Variants in USP15 observed in about 807,000 individuals in gnomAD.
USP15 encodes the protein ubiquitin specific peptidase 15.
In USP15, 18 loss-of-function variants were observed where a neutral mutation model predicts 127.1. The observed-to-expected ratio is 0.14, with a 90% CI of 0.10 to 0.21. USP15 has a LOEUF of 0.21. USP15 is among the 10% of genes least tolerant of loss of function. The pLI, the probability that USP15 is intolerant of heterozygous loss-of-function variation, is 1.00. For synonymous variants in USP15, 364 were observed against 393.7 expected, an observed-to-expected ratio of 0.92 and a Z score of 0.89; for missense variants, 805 against 1,159.9, an observed-to-expected ratio of 0.69 and a Z score of 4.44.
intron 2 of USP15, among the ~76,000 whole-genome samples, chr12:62,300,106 T>A (rs765266786): frequency 5.3e-5 from 8 of 152,150 alleles, no homozygotes; most frequent in Non-Finnish European, 7.4e-5. Flanking sequence ...GTGGGCTTTT[T>A]ATATTCTTGA....
chr12:62,341,366 A>T (rs2065642896), intron 6 of USP15, among the ~76,000 whole-genome samples: 1 of 152,210 alleles, frequency 6.6e-6, no homozygotes, highest in South Asian at 2.1e-4. Context: ...TGGGGCATTT[A>T]GCCCATTTAT....
At chr12:62,401,919 C>CATATATATAT (rs3085019) in intron 21 of USP15, among the ~76,000 whole-genome samples, 25 of 145,838 alleles carry the variant, frequency 1.7e-4, no homozygotes, top group Non-Finnish European at 3.2e-4. Context: ...TGTATATATA[C>CATATATATAT]ATATATATAT....
chr12:62,381,573 A>G lies in USP15; in HGVS notation c.999A>G (p.Gly333=), dbSNP rs2066991872. The G allele has an allele frequency of 1.9e-6, 3 of 1,613,062 alleles. No individual in the cohort carries two copies. The highest frequency in any genetic ancestry group is 2.5e-6 in the Non-Finnish European group (3 of 1,179,338). The stretch of plus-strand genomic sequence containing the variant: ...AACTGAATTTTGACAATCCCTTAGG[A>G]ATGAGAGGTGAAATAGCTAAATCTT... The part of the protein sequence containing the change: ...QEELNFDNPL[G]MRGEIAKSYA... The change falls in exon 9 of 22, where the codon GGA becomes GGG. Residue 333 remains glycine (G), a synonymous_variant. Coordinates refer to ENST00000280377, the MANE Select transcript of USP15 (RefSeq NM_001252078.2).
chr12:62,369,064 G>A (rs949259091), intron 8 of USP15, among the ~76,000 whole-genome samples: 2 of 152,168 alleles, frequency 1.3e-5, no homozygotes, highest in East Asian at 3.8e-4. Context: ...TTAAAAGACA[G>A]TACTTGTCCT....
chr12:62,379,773 G>T (rs1031025342), intron 8 of USP15, among the ~76,000 whole-genome samples: 3 of 151,976 alleles, frequency 2.0e-5, no homozygotes, highest in African/African-American at 7.2e-5. Flanking sequence ...ATCTTATTTT[G>T]TACTAAATCA....
At chr12:62,275,028 T>C (rs921474996) in intron 1 of USP15, among the ~76,000 whole-genome samples, 35 of 152,216 alleles carry the variant, frequency 2.3e-4, no homozygotes, top group East Asian at 3.9e-4. Flanking sequence ...CTTAGAAATA[T>C]TCTGGAGGTG....
At chr12:62,360,993 C>G (rs2066297077) in intron 8 of USP15, among the ~76,000 whole-genome samples, 1 of 151,938 alleles carries the variant, frequency 6.6e-6, no homozygotes, top group Non-Finnish European at 1.5e-5. Context: ...ACCTTACTTG[C>G]ATTAGAACCA....
At chr12:62,328,156 C>A (rs747020282) in intron 6 of USP15, 9 of 295,476 alleles carry the variant, frequency 3.0e-5, no homozygotes, top group Non-Finnish European at 4.8e-5. Flanking sequence ...ATGATATAGT[C>A]ATTTGTATAA....
At chr12:62,344,495 T>C (rs2065749943) in intron 6 of USP15, among the ~76,000 whole-genome samples, 1 of 152,180 alleles carries the variant, frequency 6.6e-6, no homozygotes, top group South Asian at 2.1e-4. Flanking sequence ...GGGCCAGCAT[T>C]GTCTGCAGCT....
rs139869747 is a variant in USP15, at chr12:62,390,925, G to C, written c.1906G>C (p.Asp636His). 78 of 1,612,780 alleles carry C rather than the reference G, an allele frequency of 4.8e-5. No individual in the cohort carries two copies. In the African/African-American group the frequency reaches 9.2e-4, roughly 19 times the overall value. The change falls in exon 15 of 22, where the codon GAC becomes CAC. Residue 636 changes from aspartate (D) to histidine (H), a missense_variant. By Grantham distance (81) the Asp-to-His change is moderately conservative. Around this residue, in one of 11 missense-constraint regions of USP15, gnomAD observed 225 missense variants for 239.5 expected, o/e 0.94. Coordinates refer to ENST00000280377, the MANE Select transcript of USP15 (RefSeq NM_001252078.2). ...ETEGSLHCCK[D>H]QNINGNGPNG... ...TGAAGGATCCCTACACTGCTGTAAG[G>C]ACCAAAATATTAATGGGAATGGCCC...
Position 62,413,661 on chromosome 12 carries a change from C to A in USP15, c.*9286C>A, listed in dbSNP as rs1056463064. The A allele has an allele frequency of 6.6e-6, 1 of 152,098 alleles. No individual in the cohort carries two copies. Among genetic ancestry groups the A allele is most frequent in the Non-Finnish European group, 1.5e-5 (1 of 68,042 alleles). The allele number at this position is 152,098 out of a possible 1,614,324, so 9.4% of individuals were successfully genotyped here. On this transcript the variant is annotated 3_prime_UTR_variant, in exon 22 of 22. Transcript: ENST00000280377. ...CCTCCATAGAATTGAAGAGAGAGGGCCTTGCTCTGCGTTAGGCTTTGGCTT... is the reference window on the plus strand; with the variant it reads ...CCTCCATAGAATTGAAGAGAGAGGGACTTGCTCTGCGTTAGGCTTTGGCTT...
intron 11 of USP15, among the ~76,000 whole-genome samples, chr12:62,388,117 A>AT (rs58192089): frequency 0.094 from 10,038 of 106,490 alleles, 750 homozygotes; most frequent in Admixed American, 0.14. Flanking sequence ...AATGGTGAAG[A>AT]TTTTTTTTTT....
chr12:62,404,146 G>C (rs17717700), intron 21 of USP15, 47 bp from the exon 22 acceptor site: 3 of 1,494,496 alleles, frequency 2.0e-6, no homozygotes, highest in Non-Finnish European at 2.7e-6. Flanking sequence ...TGTATTTAAC[G>C]TGATCTTTGA....
At chr12:62,342,500 A>G (rs1393110788) in intron 6 of USP15, among the ~76,000 whole-genome samples, 1 of 151,738 alleles carries the variant, frequency 6.6e-6, no homozygotes, top group Non-Finnish European at 1.5e-5. Flanking sequence ...GGCTTTTGGA[A>G]TTTTCAGCGT....
chr12:62,392,650 A>G (rs1208290698), intron 18 of USP15, among the ~76,000 whole-genome samples: 1 of 152,052 alleles, frequency 6.6e-6, no homozygotes, highest in Non-Finnish European at 1.5e-5. Flanking sequence ...TTTCCAAGAA[A>G]TTTTAGCTAT....
At chr12:62,297,664 C>G (rs528896643) in intron 2 of USP15, among the ~76,000 whole-genome samples, 2 of 152,276 alleles carry the variant, frequency 1.3e-5, no homozygotes, top group Non-Finnish European at 2.9e-5. Context: ...GAATCTCTAG[C>G]CAGGCTTTTG....
chr12:62,296,869 T>C (rs1469985606), intron 2 of USP15, among the ~76,000 whole-genome samples: 2 of 152,200 alleles, frequency 1.3e-5, no homozygotes, highest in Non-Finnish European at 2.9e-5. Context: ...TGCTTAATTT[T>C]CCAGCCCTTC....
At chr12:62,354,564 C>T (rs1030144274) in intron 7 of USP15, among the ~76,000 whole-genome samples, 4 of 151,754 alleles carry the variant, frequency 2.6e-5, no homozygotes, top group African/African-American at 7.2e-5. Flanking sequence ...GAAGAGGGAT[C>T]GTTTAACTTA....
chr12:62,336,935 C>T (rs2065485824), intron 6 of USP15, among the ~76,000 whole-genome samples: 1 of 152,170 alleles, frequency 6.6e-6, no homozygotes, highest in Non-Finnish European at 1.5e-5. Context: ...GAAACCATAT[C>T]AATGAACCTT....
Sources: gnomAD v4.1 joint callset for allele counts (sites outside exome capture counted in the v4.1 genomes callset) on GRCh38, gnomAD v4.1.1 for gene constraint, gnomAD v4.1.1 regional missense constraint, MANE v1.5 for transcripts, NCBI Gene and HGNC (gene_info 2026-07-23, HGNC 2026-07-21) for gene names.